Variants in CDC6 observed in about 807,000 individuals in gnomAD.
The protein encoded by CDC6 is cell division cycle 6.
Under a neutral mutation model 60.2 loss-of-function variants are expected in CDC6, and 46 were observed. The ratio of observed to expected loss-of-function variants is 0.76; its 90% CI spans 0.60 to 0.98. The LOEUF is 0.98. Ranked by LOEUF, CDC6 falls within the 50% of genes least tolerant of loss-of-function variation. The probability of loss-of-function intolerance (pLI) is 0.00; values close to 1 mark genes in which losing one functional copy is unlikely to be tolerated. For missense variants in CDC6, 596 were observed against 652.9 expected, an observed-to-expected ratio of 0.91 and a Z score of 0.95; for synonymous variants, 210 against 233.2, an observed-to-expected ratio of 0.90 and a Z score of 0.90.
intron 1 of CDC6, chr17:40,289,162 A>C: frequency 2.3e-6 from 1 of 438,132 alleles, no homozygotes; most frequent in Non-Finnish European, 4.3e-6. Flanking sequence ...CCTACTCCTA[A>C]GATCGTTGTT....
intron 7 of CDC6, 130 bp downstream of exon 7, chr17:40,294,633 A>T (rs1234135888): frequency 1.3e-6 from 1 of 782,904 alleles, no homozygotes; most frequent in Admixed American, 2.0e-5. Context: ...TATGGACCAT[A>T]GTGAGAACAT....
chr17:40,296,329 T>G (rs2032858669), intron 8 of CDC6, among the ~76,000 whole-genome samples: 1 of 152,142 alleles, frequency 6.6e-6, no homozygotes, highest in Non-Finnish European at 1.5e-5. Context: ...CTACATATCC[T>G]CTCTCCTACC....
At position 40,293,524 on chromosome 17, in the gene CDC6, C is replaced by T. The variant is rs1267905360; in HGVS notation, c.729C>T (p.Phe243=). ...CMSLRTAQAV[F]PAIAQEICQE... Reference sequence around the variant, plus strand: ...CCTTGAGGACTGCCCAGGCTGTATTCCCAGCTATTGCTCAGGAGATTTGTC... The same window carrying T: ...CCTTGAGGACTGCCCAGGCTGTATTTCCAGCTATTGCTCAGGAGATTTGTC... Residue 243 remains phenylalanine (F), a synonymous_variant, in exon 5 of 12, where the codon TTC becomes TTT. Transcript: ENST00000209728. The T allele has an allele frequency of 6.2e-7, 1 of 1,613,650 alleles. No individual in the cohort carries two copies. The highest frequency in any genetic ancestry group is 1.1e-5 in the South Asian group (1 of 91,050).
Position 40,291,167 on chromosome 17 carries a change from G to A in CDC6, c.288G>A (p.Leu96=). 1 of 1,614,088 alleles carries A rather than the reference G, an allele frequency of 6.2e-7. No individual in the cohort carries two copies. Among genetic ancestry groups the A allele is most frequent in the Non-Finnish European group, 8.5e-7 (1 of 1,180,004 alleles). The change falls in exon 3 of 12, where the codon TTG becomes TTA. Residue 96 remains leucine, a synonymous_variant. Coordinates refer to ENST00000209728, the MANE Select transcript of CDC6 (RefSeq NM_001254.4). Reference sequence around the variant, plus strand: ...CACATACACTTAAGGGACGAAGATTGGTATTTGACAATCAGCTGACAATTA... The same window carrying A: ...CACATACACTTAAGGGACGAAGATTAGTATTTGACAATCAGCTGACAATTA... The part of the protein sequence containing the change: ...PHSHTLKGRR[L]VFDNQLTIKS...
Position 40,300,899 on chromosome 17 carries a change from G to A in CDC6, c.1321G>A (p.Val441Ile), listed in dbSNP as rs13706. 214,476 of 1,613,406 alleles carry A rather than the reference G, an allele frequency of 0.13. 21,131 individuals carry two copies. The highest frequency in any genetic ancestry group is 0.47 in the African/African-American group (35,288 of 74,890). The change falls in exon 10 of 12, where the codon GTT becomes ATT. Residue 441 changes from valine to isoleucine, a missense_variant. Val to Ile is a conservative substitution (Grantham distance 29, BLOSUM62 3). Coordinates refer to ENST00000209728, the MANE Select transcript of CDC6 (RefSeq NM_001254.4). Reference sequence around the variant, plus strand: ...TCACATATCCCAAGTCATCTCAGAAGTTGATGGTAACAGGATGACCTTGAG... The same window carrying A: ...TCACATATCCCAAGTCATCTCAGAAATTGATGGTAACAGGATGACCTTGAG... ...LIHISQVISE[V>I]DGNRMTLSQE...
intron 9 of CDC6, 72 bp from the exon 10 acceptor site, chr17:40,300,756 A>C: frequency 1.7e-6 from 2 of 1,160,290 alleles, no homozygotes; most frequent in Non-Finnish European, 2.6e-6. Context: ...ACTTAGTATC[A>C]TCTGTCTCAT....
intron 8 of CDC6, among the ~76,000 whole-genome samples, chr17:40,296,191 T>C (rs536875048): frequency 1.3e-5 from 2 of 152,162 alleles, no homozygotes; most frequent in Non-Finnish European, 2.9e-5. Flanking sequence ...AGACTGCAAC[T>C]ATGAGCAATA....
chr17:40,293,414 C>G (rs971388494), intron 4 of CDC6, 42 bp from the exon 5 acceptor site: 6 of 1,535,996 alleles, frequency 3.9e-6, no homozygotes, highest in Non-Finnish European at 5.4e-6. Context: ...TCTTTATTTT[C>G]TGAGGCCAAA....
chr17:40,289,364 C>A, intron 1 of CDC6, 44 bp from the exon 2 acceptor site: 1 of 1,439,212 alleles, frequency 6.9e-7, no homozygotes, highest in Non-Finnish European at 9.8e-7. Context: ...TTTCTCTTCA[C>A]TTTCACATAT....
In CDC6 at chr17:40,301,027, G is replaced by A; in HGVS notation, c.1449G>A (p.Gly483=). The change falls in exon 10 of 12, where the codon GGG becomes GGA. Residue 483 remains glycine (G), a synonymous_variant. Coordinates refer to ENST00000209728, the MANE Select transcript of CDC6 (RefSeq NM_001254.4). ...RQLKIKEVTL[G]KLYEAYSKVC... is the part of the protein sequence containing the mutation. ...TGAAAATCAAAGAGGTCACTCTGGG[G>A]AAGGTAAGTTGGGATGGAGCAGATG... 4 of 1,610,502 alleles carry A rather than the reference G, an allele frequency of 2.5e-6. No individual in the cohort carries two copies. Among genetic ancestry groups the A allele is most frequent in the Non-Finnish European group, 3.4e-6 (4 of 1,177,096 alleles).
chr17:40,293,751 G>A lies in CDC6; in HGVS notation c.836+120G>A. 3 of 955,636 alleles carry A rather than the reference G, an allele frequency of 3.1e-6. No homozygotes were observed. The South Asian group carries it at 4.0e-5, about 13-fold the overall frequency. 59.2% of individuals were successfully genotyped at this position (955,636 alleles called of 1,614,324 possible). ...GTTACATAAACTTAAAGGGAAAGAAGAGAAGGAAGATACACCTAATTTTAA... is the reference window on the plus strand; with the variant it reads ...GTTACATAAACTTAAAGGGAAAGAAAAGAAGGAAGATACACCTAATTTTAA... On this transcript the variant is annotated intron_variant, in intron 5 of 11. Coordinates refer to ENST00000209728, the MANE Select transcript of CDC6 (RefSeq NM_001254.4).
chr17:40,289,125 T>G, intron 1 of CDC6: 1 of 359,908 alleles, frequency 2.8e-6, no homozygotes, highest in Middle Eastern at 9.3e-4. Context: ...AGTTTTCTCA[T>G]GTGTAAAATA....
At position 40,303,679 on chromosome 17, in the gene CDC6, A is replaced by C. The variant is rs570119936; in HGVS notation, c.*1678A>C. The C allele has an allele frequency of 1.6e-4, 24 of 152,372 alleles. No individual in the cohort carries two copies. Among genetic ancestry groups the C allele is most frequent in the African/African-American group, 5.3e-4 (22 of 41,588 alleles). The allele number at this position is 152,372 out of a possible 1,614,324, so 9.4% of individuals were successfully genotyped here. On this transcript the variant is annotated 3_prime_UTR_variant, in exon 12 of 12. Coordinates refer to ENST00000209728, the MANE Select transcript of CDC6 (RefSeq NM_001254.4). The stretch of plus-strand genomic sequence containing the variant: ...CTGAAGGTAGTTTGAACATGGAAAC[A>C]CAGTTCTATACCTAGAAGGTTGGAA...
rs1175705149 is a variant in CDC6 at position 40,302,870 on chromosome 17, A to G, written c.*869A>G. Reference sequence around the variant, plus strand: ...GCACTCCCAAGGGCGTTGGGGTCATAAGGAGACTATAACTCTACAGATTGT... The same window carrying G: ...GCACTCCCAAGGGCGTTGGGGTCATGAGGAGACTATAACTCTACAGATTGT... On this transcript the variant is annotated 3_prime_UTR_variant, in exon 12 of 12. Transcript: ENST00000209728. 6.6e-6 allele frequency: 1 copy of G among 152,210 alleles called. No individual in the cohort carries two copies. Among genetic ancestry groups the G allele is most frequent in the African/African-American group, 2.4e-5 (1 of 41,452 alleles). The allele number at this position is 152,210 out of a possible 1,614,324, so 9.4% of individuals were successfully genotyped here.
chr17:40,296,910 C>T (rs972670420), intron 9 of CDC6, 143 bp downstream of exon 9: 3 of 718,314 alleles, frequency 4.2e-6, no homozygotes, highest in African/African-American at 1.8e-5. Context: ...TCCGTTTCGT[C>T]TACTTTATTT....
chr17:40,294,333 C>T, intron 6 of CDC6, 31 bp from the exon 7 acceptor site: 2 of 1,534,776 alleles, frequency 1.3e-6, no homozygotes, highest in Non-Finnish European at 1.8e-6. Flanking sequence ...ATAATTTGAC[C>T]AATGATCAAT....
chr17:40,304,499 T>G lies in CDC6; in HGVS notation c.*2498T>G, dbSNP rs564359487. ...GCTTCACTTAGAGTAGTGGCAAAGATGCTGACCTACATTCTTCCTTTTGAA... is the reference window on the plus strand; with the variant it reads ...GCTTCACTTAGAGTAGTGGCAAAGAGGCTGACCTACATTCTTCCTTTTGAA... On this transcript the variant is annotated 3_prime_UTR_variant, in exon 12 of 12. Coordinates refer to ENST00000209728, the MANE Select transcript of CDC6 (RefSeq NM_001254.4). 1.3e-5 allele frequency: 2 copies of G among 152,364 alleles called. No homozygotes were observed. The highest frequency in any genetic ancestry group is 4.8e-5 in the African/African-American group (2 of 41,584). The allele number at this position is 152,364 out of a possible 1,614,324, so 9.4% of individuals were successfully genotyped here. A position where few individuals can be genotyped will look rare whatever the true frequency, so the allele number is the denominator to read the frequency against.
chr17:40,287,974 G>T lies in CDC6; in HGVS notation c.-130G>T, dbSNP rs1467111644. 3.9e-5 allele frequency: 6 copies of T among 153,398 alleles called. No homozygotes were observed. The allele number at this position is 153,398 out of a possible 1,614,324, so 9.5% of individuals were successfully genotyped here. On this transcript the variant is annotated 5_prime_UTR_variant, in exon 1 of 12. Coordinates refer to ENST00000209728, the MANE Select transcript of CDC6 (RefSeq NM_001254.4). ...GGTGAGTCCGAGAGGCTGCGTGTGA[G>T]AGACGTGAGAAGGATCCTGCACTGA...
intron 6 of CDC6, 141 bp from the exon 7 acceptor site, chr17:40,294,223 T>C (rs2032823079): frequency 1.1e-6 from 1 of 872,832 alleles, no homozygotes; most frequent in Non-Finnish European, 1.9e-6. Flanking sequence ...TCTTATCTAT[T>C]GGGATGGGGT....
Sources: allele counts gnomAD v4.1 joint callset (sites outside exome capture counted in the v4.1 genomes callset), GRCh38; gene constraint gnomAD v4.1.1; transcripts MANE v1.5; gene names NCBI Gene and HGNC (gene_info 2026-07-23, HGNC 2026-07-21).